Variants in DLG2 observed in about 807,000 individuals in gnomAD.
DLG2 encodes the protein discs large MAGUK scaffold protein 2, also known as disks large homolog 2.
DLG2 carries 45 observed loss-of-function variants against 132.5 expected under a neutral mutation model. The ratio of observed to expected loss-of-function variants is 0.34; its 90% CI spans 0.27 to 0.44. The LOEUF (loss-of-function observed/expected upper bound fraction) is 0.44. Among genes scored for constraint, DLG2 ranks in the 20% least tolerant of loss-of-function variants. The pLI, the probability that DLG2 is intolerant of heterozygous loss-of-function variation, is 1.00. For missense variants in DLG2, 1,045 were observed against 1,196.9 expected, an observed-to-expected ratio of 0.87 and a Z score of 1.87; for synonymous variants, 424 against 419.6, an observed-to-expected ratio of 1.01 and a Z score of -0.13.
intron 9 of DLG2, among the ~76,000 whole-genome samples, chr11:84,156,765 T>C (rs1428620547): frequency 6.6e-6 from 1 of 152,126 alleles, no homozygotes; most frequent in African/African-American, 2.4e-5. Context: ...AAGAAACAAG[T>C]TTAGGATATA....
At chr11:83,561,336 C>T (rs1382651653) in intron 19 of DLG2, among the ~76,000 whole-genome samples, 1 of 152,098 alleles carries the variant, frequency 6.6e-6, no homozygotes, top group East Asian at 1.9e-4. Context: ...GAGGACAAAA[C>T]CCACCCATCC....
chr11:83,801,451 C>T (rs926840920), intron 17 of DLG2, among the ~76,000 whole-genome samples: 3 of 152,160 alleles, frequency 2.0e-5, no homozygotes, highest in Non-Finnish European at 4.4e-5. Flanking sequence ...CTCTGCCTAT[C>T]CCTCTTATTC....
At chr11:85,431,364 C>T (rs2091170842) in intron 3 of DLG2, among the ~76,000 whole-genome samples, 1 of 152,182 alleles carries the variant, frequency 6.6e-6, no homozygotes. Flanking sequence ...GAGCATGCTA[C>T]CCAGCCTAGG....
intron 18 of DLG2, chr11:83,647,490 CT>C: frequency 6.6e-6 from 1 of 152,234 alleles, no homozygotes; most frequent in East Asian, 1.9e-4. Context: ...TCTAACTCAT[CT>C]TTGTTTTTTC....
At chr11:84,867,990 C>T (rs532384773) in intron 6 of DLG2, among the ~76,000 whole-genome samples, 6 of 151,992 alleles carry the variant, frequency 3.9e-5, no homozygotes, top group Non-Finnish European at 8.8e-5. Flanking sequence ...AGGAGAATGG[C>T]GTGAACCCGG....
chr11:83,756,128 C>A (rs113129148), intron 18 of DLG2, among the ~76,000 whole-genome samples: 6 of 151,102 alleles, frequency 4.0e-5, no homozygotes, highest in Admixed American at 3.9e-4. Flanking sequence ...GGAGAGGCAC[C>A]ACACCCTCAG....
chr11:84,627,071 A>G (rs1484073464), intron 6 of DLG2, among the ~76,000 whole-genome samples: 1 of 151,958 alleles, frequency 6.6e-6, no homozygotes, highest in Non-Finnish European at 1.5e-5. Flanking sequence ...GGGTTTTGCC[A>G]TGTTGGCCAG....
chr11:83,824,523 G>A (rs2051903053), intron 17 of DLG2, among the ~76,000 whole-genome samples: 2 of 151,988 alleles, frequency 1.3e-5, no homozygotes, highest in Admixed American at 6.6e-5. Flanking sequence ...CTTGCAAGAG[G>A]TTTTCTGGAG....
intron 16 of DLG2, among the ~76,000 whole-genome samples, chr11:83,837,820 C>T (rs955019690): frequency 9.3e-5 from 14 of 150,792 alleles, no homozygotes; most frequent in Admixed American, 2.0e-4. Context: ...GCCTCCTTTC[C>T]AACTCTAAAG....
chr11:84,465,678 A>G lies in DLG2; in HGVS notation c.519+68892T>C, dbSNP rs1044753749. 8.6e-5 allele frequency among the ~76,000 whole-genome samples: 13 copies of G among 151,256 alleles called. 1 individual carries two copies. Among genetic ancestry groups the G allele is most frequent in the African/African-American group, 3.1e-4 (13 of 41,294 alleles). On this transcript the variant is annotated intron_variant, in intron 7 of 27. Transcript: ENST00000376104. ...AAATAACACTTTTAACAAAATAATC[A>G]TTTTTATGGTACAAAACTACTCTGT...
At chr11:84,197,361 A>C (rs765505558) in intron 8 of DLG2, among the ~76,000 whole-genome samples, 2 of 152,206 alleles carry the variant, frequency 1.3e-5, no homozygotes, top group African/African-American at 4.8e-5. Flanking sequence ...AACACAAATC[A>C]TTCATGCACA....
At chr11:84,079,278 G>GTTTTTTTT (rs34283629) in intron 10 of DLG2, among the ~76,000 whole-genome samples, 7 of 147,230 alleles carry the variant, frequency 4.8e-5, no homozygotes, top group Non-Finnish European at 3.0e-5. Context: ...TTTTTGGTTT[G>GTTTTTTTT]TTTTTTTTTT....
At chr11:85,545,111 A>G (rs183576415) in intron 3 of DLG2, among the ~76,000 whole-genome samples, 7 of 150,926 alleles carry the variant, frequency 4.6e-5, no homozygotes, top group African/African-American at 9.8e-5. Context: ...ATTCAGTATG[A>G]TATTGGCTGT....
chr11:84,806,577 A>G (rs889208451), intron 6 of DLG2, among the ~76,000 whole-genome samples: 1 of 152,182 alleles, frequency 6.6e-6, no homozygotes, highest in African/African-American at 2.4e-5. Flanking sequence ...AGAATACTAT[A>G]CTCAGTGAAA....
chr11:83,947,984 C>T (rs2084486256), intron 14 of DLG2, among the ~76,000 whole-genome samples: 2 of 152,214 alleles, frequency 1.3e-5, no homozygotes, highest in East Asian at 1.9e-4. Flanking sequence ...AAATGAGAAA[C>T]AGGAAAGTAT....
chr11:83,958,604 T>G (rs1463333892), intron 14 of DLG2, among the ~76,000 whole-genome samples: 2 of 152,192 alleles, frequency 1.3e-5, no homozygotes, highest in African/African-American at 4.8e-5. Flanking sequence ...TTACTTTGCA[T>G]TACCAATTTT....
At chr11:85,264,307 G>C (rs547111079) in intron 4 of DLG2, among the ~76,000 whole-genome samples, 1 of 152,278 alleles carries the variant, frequency 6.6e-6, no homozygotes, top group African/African-American at 2.4e-5. Flanking sequence ...AGAAACCAGG[G>C]ACAAGACTCA....
At chr11:85,398,711 C>T (rs923120710) in intron 3 of DLG2, among the ~76,000 whole-genome samples, 1 of 151,850 alleles carries the variant, frequency 6.6e-6, no homozygotes. Context: ...ACATACTCTC[C>T]CAAGACTAAA....
intron 8 of DLG2, among the ~76,000 whole-genome samples, chr11:84,233,006 A>C (rs867204720): frequency 1.3e-5 from 2 of 152,324 alleles, no homozygotes; most frequent in Non-Finnish European, 2.9e-5. Context: ...TTACAAAATG[A>C]TATGAACTTG....
Sources: gnomAD v4.1 joint callset for allele counts (sites outside exome capture counted in the v4.1 genomes callset) on GRCh38, gnomAD v4.1.1 for gene constraint, MANE v1.5 for transcripts, NCBI Gene and HGNC (gene_info 2026-07-23, HGNC 2026-07-21) for gene names.